Variants in OGG1 observed in about 807,000 individuals in gnomAD.
OGG1 encodes the protein 8-oxoguanine DNA glycosylase.
OGG1 carries 35 observed loss-of-function variants against 42.3 expected under a neutral mutation model. That is an observed-to-expected ratio of 0.83 (90% confidence interval 0.63 to 1.10). The LOEUF is 1.10. Among genes scored for constraint, OGG1 ranks in the 50% least tolerant of loss-of-function variants. The pLI is 0.00. For missense variants in OGG1, 484 were observed against 446.7 expected (o/e 1.08, Z -0.75); for synonymous variants, 189 against 179.0 (o/e 1.06, Z -0.44).
chr3:9,765,934 G>C, exon 8 of OGG1: 1 of 1,614,054 alleles, frequency 6.2e-7, no homozygotes, highest in South Asian at 1.1e-5. Flanking sequence ...TGGAACCCCA[G>C]CTTCCCTCCA....
chr3:9,763,647 T>A (rs1452820866), intron 7 of OGG1, among the ~76,000 whole-genome samples: 1 of 152,172 alleles, frequency 6.6e-6, no homozygotes, highest in Admixed American at 6.5e-5. Context: ...TGGGTGCAGA[T>A]CTTTTCACCA....
At chr3:9,759,846 C>A (rs1559695396), downstream of OGG1, 1 of 1,605,362 alleles carries the variant, frequency 6.2e-7, no homozygotes, top group Non-Finnish European at 8.5e-7. Flanking sequence ...GGCCTGGCAT[C>A]AAGACAAAGA....
chr3:9,753,039 C>G (rs145631437), intron 3 of OGG1, among the ~76,000 whole-genome samples: 1,981 of 151,378 alleles, frequency 0.013, 22 homozygotes, highest in Middle Eastern at 0.025. Context: ...CAGAGCGAGA[C>G]TCCATCTCAA....
chr3:9,756,512 G>C lies in OGG1; in HGVS notation c.789G>C (p.Gln263His). Residue 263 changes from glutamine (Q) to histidine (H), a missense_variant, in exon 5 of 7, where the codon CAG (glutamine) becomes CAC (histidine). Transcript: ENST00000344629. ...GCCTGATGGCCCTAGACAAGCCCCA[G>C]GCTGTGCCCGTGGATGTCCATATGT... ...CICLMALDKP[Q>H]AVPVDVHMWH... 6.2e-7 allele frequency: 1 copy of C among 1,614,204 alleles called. No homozygotes were observed. Among genetic ancestry groups the C allele is most frequent in the Non-Finnish European group, 8.5e-7 (1 of 1,180,038 alleles).
intron 3 of OGG1, among the ~76,000 whole-genome samples, chr3:9,785,694 C>T (rs1033435211): frequency 3.3e-5 from 5 of 152,198 alleles, no homozygotes; most frequent in Admixed American, 1.3e-4. Context: ...GTTTGTGAAG[C>T]GTCTGCAACG....
At chr3:9,790,315 G>A (rs770249380), downstream of OGG1, among the ~76,000 whole-genome samples, 11 of 152,216 alleles carry the variant, frequency 7.2e-5, no homozygotes, top group Non-Finnish European at 4.4e-5. Context: ...CAGTTACCCA[G>A]GTTCTTAGAT....
At chr3:9,789,554 A>G (rs757969782), downstream of OGG1, 2 of 1,613,996 alleles carry the variant, frequency 1.2e-6, no homozygotes, top group South Asian at 2.2e-5. Flanking sequence ...GTAACTCCTC[A>G]AGTGTGCGGA....
chr3:9,754,711 G>C lies in OGG1; in HGVS notation c.573G>C (p.Glu191Asp). 6.2e-7 allele frequency: 1 copy of C among 1,614,146 alleles called. No homozygotes were observed. The highest frequency in any genetic ancestry group is 8.5e-7 in the Non-Finnish European group (1 of 1,180,016). Residue 191 changes from glutamate to aspartate, a missense_variant, in exon 4 of 7, where the codon GAG becomes GAC. Physicochemically the swap from Glu to Asp is conservative, Grantham distance 45. Transcript: ENST00000344629. ...CCTCCTCACTCCCCGCAGGGCCAGA[G>C]GTGGAGGCTCATCTCAGGAAGCTGG... ...FPSLQALAGP[E>D]VEAHLRKLGL...
At position 9,751,753 on chromosome 3, in the gene OGG1, G is replaced by A; in HGVS notation, c.386-17G>A. The A allele has an allele frequency of 6.2e-7, 1 of 1,613,976 alleles. No individual in the cohort carries two copies. The highest frequency in any genetic ancestry group is 8.5e-7 in the Non-Finnish European group (1 of 1,179,830). ...ACAGCAGGTACCTCTCCTACCCCCT[G>A]CATTTCTGGTCTCCAGGTGTGCGAC... On this transcript the variant is annotated splice_polypyrimidine_tract_variant and intron_variant, in intron 2 of 6. Coordinates refer to ENST00000344629, the MANE Select transcript of OGG1 (RefSeq NM_002542.6).
chr3:9,767,540 G>T, downstream of OGG1: 1 of 1,195,066 alleles, frequency 8.4e-7, no homozygotes, highest in Non-Finnish European at 1.2e-6. Flanking sequence ...GGACAGTTTA[G>T]GCCCTAGATA....
chr3:9,759,946 T>C (rs2077770621), downstream of OGG1: 1 of 768,380 alleles, frequency 1.3e-6, no homozygotes, highest in Non-Finnish European at 2.0e-6. Flanking sequence ...CCTTTCTCTC[T>C]TAAGAAAAAC....
At chr3:9,788,070 A>G (rs1330369924) in exon 4 of OGG1, 1 of 252,452 alleles carries the variant, frequency 4.0e-6, no homozygotes, top group East Asian at 9.8e-5. Context: ...GGATGCGTGG[A>G]CTTGATCCTG....
downstream of OGG1, among the ~76,000 whole-genome samples, chr3:9,788,571 C>T (rs1176905013): frequency 6.8e-6 from 1 of 146,642 alleles, no homozygotes; most frequent in African/African-American, 2.5e-5. Context: ...ATGGAATCTC[C>T]TTCTGTCACC....
downstream of OGG1, chr3:9,767,532 A>G (rs1280430471): frequency 9.4e-7 from 1 of 1,065,126 alleles, no homozygotes; most frequent in Non-Finnish European, 1.4e-6. Flanking sequence ...AAAGCTGGGG[A>G]CAGTTTAGGC....
chr3:9,776,194 A>T (rs1227722467), intron 2 of OGG1, among the ~76,000 whole-genome samples: 1 of 151,612 alleles, frequency 6.6e-6, no homozygotes, highest in Non-Finnish European at 1.5e-5. Flanking sequence ...TGCAGTTCTT[A>T]CTTCTCTCTA....
At chr3:9,757,430 G>A, downstream of OGG1, 1 of 1,608,004 alleles carries the variant, frequency 6.2e-7, no homozygotes, top group Non-Finnish European at 8.5e-7. The surrounding 1 kb of genome is among the most constrained non-coding windows in gnomAD (Gnocchi z 4.5). Flanking sequence ...TGGTAGGGAA[G>A]CAGGTGAGGA....
At chr3:9,755,747 A>G (rs991560366) in intron 4 of OGG1, among the ~76,000 whole-genome samples, 129 of 152,106 alleles carry the variant, frequency 8.5e-4, no homozygotes, top group Non-Finnish European at 3.7e-4. Flanking sequence ...GGCGTGAGCC[A>G]CTGCACCCAG....
chr3:9,763,946 A>C (rs2078014930), intron 7 of OGG1, among the ~76,000 whole-genome samples: 1 of 152,182 alleles, frequency 6.6e-6, no homozygotes, highest in African/African-American at 2.4e-5. Context: ...AGATCATGCC[A>C]TTACACTCCA....
At chr3:9,755,080 A>T (rs2077475605) in intron 4 of OGG1, among the ~76,000 whole-genome samples, 195 bp downstream of exon 4, 1 of 152,218 alleles carries the variant, frequency 6.6e-6, no homozygotes. Flanking sequence ...CCTTTGAATG[A>T]ATTTCTAGAA....
Sources: allele counts gnomAD v4.1 joint callset (sites outside exome capture counted in the v4.1 genomes callset), GRCh38; gene constraint gnomAD v4.1.1; non-coding constraint Gnocchi (gnomAD v3.1); transcripts MANE v1.5; gene names NCBI Gene and HGNC (gene_info 2026-07-23, HGNC 2026-07-21).